The following FANK1 variants were observed in gnomAD, a reference collection of about 807,000 sequenced individuals.
The protein encoded by FANK1 is fibronectin type III and ankyrin repeat domains 1.
Under a neutral mutation model 45.3 loss-of-function variants are expected in FANK1, and 44 were observed. The ratio of observed to expected loss-of-function variants is 0.97; its 90% confidence interval spans 0.76 to 1.25. The LOEUF is 1.25. Among genes scored for constraint, FANK1 ranks in the 50% most tolerant of loss-of-function variants. The pLI, the probability that FANK1 is intolerant of heterozygous loss-of-function variation, is 0.00. For synonymous variants in FANK1, 149 were observed against 152.5 expected (o/e 0.98, Z 0.17); for missense variants, 391 against 424.4 (o/e 0.92, Z 0.69).
chr10:125,901,373 A>G (rs1945020796), intron 1 of FANK1, among the ~76,000 whole-genome samples: 1 of 152,212 alleles, frequency 6.6e-6, no homozygotes, highest in African/African-American at 2.4e-5. Context: ...CCAAGCTACC[A>G]TGCCGTGTAA....
chr10:125,992,044 T>G (rs1271753076), intron 3 of FANK1, among the ~76,000 whole-genome samples: 1 of 152,000 alleles, frequency 6.6e-6, no homozygotes, highest in Non-Finnish European at 1.5e-5. Context: ...ATTGCAACAC[T>G]CAGGGTAAAA....
At position 125,896,581 on chromosome 10, in the gene FANK1, C is replaced by T; in HGVS notation, c.-62C>T. ...GTCAGGGCAACCGTAGCGACGCCGGCCCTGGCTGAGAGGCGTTAGGAGTCC... is the reference window on the plus strand; with the variant it reads ...GTCAGGGCAACCGTAGCGACGCCGGTCCTGGCTGAGAGGCGTTAGGAGTCC... On this transcript the variant is annotated 5_prime_UTR_variant, in exon 1 of 11. Transcript: ENST00000368693. 9.3e-7 allele frequency: 1 copy of T among 1,074,890 alleles called. No homozygotes were observed. Among genetic ancestry groups the T allele is most frequent in the Admixed American group, 7.4e-5 (1 of 13,534 alleles). 66.6% of individuals were successfully genotyped at this position (1,074,890 alleles called of 1,614,324 possible).
intron 3 of FANK1, among the ~76,000 whole-genome samples, chr10:125,994,075 G>A (rs1273169839): frequency 6.6e-6 from 1 of 152,076 alleles, no homozygotes; most frequent in Non-Finnish European, 1.5e-5. Flanking sequence ...ATAAGGAGCA[G>A]GAAGAGGGAG....
intron 1 of FANK1, chr10:125,972,342 C>T (rs1950570297): frequency 6.6e-6 from 1 of 152,048 alleles, no homozygotes; most frequent in Admixed American, 6.5e-5. Context: ...TGCTAGTCAC[C>T]TGTAAATATA....
At chr10:125,975,053 G>A (rs781693061) in intron 1 of FANK1, 34 of 152,072 alleles carry the variant, frequency 2.2e-4, no homozygotes, top group Admixed American at 1.6e-3. Context: ...GTGTTCCTAA[G>A]TTCTTCTCAT....
intron 1 of FANK1, among the ~76,000 whole-genome samples, chr10:125,971,493 T>A (rs556437965): frequency 2.5e-4 from 38 of 151,908 alleles, no homozygotes; most frequent in Admixed American, 5.2e-4. Context: ...ATTGTCTCAC[T>A]TTTTCTGACC....
At chr10:125,909,439 C>T (rs1945808922) in intron 1 of FANK1, among the ~76,000 whole-genome samples, 1 of 150,346 alleles carries the variant, frequency 6.7e-6, no homozygotes, top group Non-Finnish European at 1.5e-5. Context: ...CTTATTATTT[C>T]CATCATTTTA....
intron 8 of FANK1, 65 bp from the exon 9 acceptor site, chr10:126,008,989 G>GCCC: frequency 1.3e-6 from 2 of 1,491,136 alleles, no homozygotes; most frequent in Non-Finnish European, 1.9e-6. Flanking sequence ...CCAGGCTCAT[G>GCCC]CCCCCTGCTG....
chr10:125,919,340 G>A (rs112671557), intron 1 of FANK1, among the ~76,000 whole-genome samples: 3 of 143,728 alleles, frequency 2.1e-5, no homozygotes, highest in African/African-American at 2.6e-5. Flanking sequence ...CTAGTAGCTG[G>A]GATTACAGGC....
chr10:125,931,862 C>A (rs1383441255), intron 1 of FANK1, among the ~76,000 whole-genome samples: 1 of 152,156 alleles, frequency 6.6e-6, no homozygotes, highest in East Asian at 1.9e-4. Flanking sequence ...AGTCCTCAAT[C>A]CATCTTGAGT....
intron 2 of FANK1, among the ~76,000 whole-genome samples, chr10:125,981,515 A>AAAAT (rs397791576): frequency 2.0e-5 from 3 of 146,838 alleles, no homozygotes; most frequent in African/African-American, 7.5e-5. Flanking sequence ...AAAAAAAAAA[A>AAAAT]GTTATGTTTT....
At chr10:125,919,881 CAGT>C (rs1200146371) in intron 1 of FANK1, among the ~76,000 whole-genome samples, 18 of 152,228 alleles carry the variant, frequency 1.2e-4, no homozygotes, top group Admixed American at 5.9e-4. Flanking sequence ...TTTCACCAAA[CAGT>C]AGGTGTGTAA....
chr10:125,948,430 T>A (rs1214765403), intron 1 of FANK1, among the ~76,000 whole-genome samples: 2 of 152,018 alleles, frequency 1.3e-5, no homozygotes, highest in African/African-American at 4.8e-5. Flanking sequence ...ATAAAGGGGA[T>A]ATCACCACCG....
chr10:125,973,539 C>A, intron 1 of FANK1: 1 of 832,358 alleles, frequency 1.2e-6, no homozygotes, highest in Non-Finnish European at 1.4e-6. Context: ...ATGTATCCCT[C>A]AGTATCTAGA....
intron 1 of FANK1, among the ~76,000 whole-genome samples, chr10:125,935,739 C>T (rs1486626989): frequency 6.6e-6 from 1 of 152,072 alleles, no homozygotes; most frequent in Admixed American, 6.6e-5. Context: ...ATATCTTCTC[C>T]TATATATTTT....
chr10:125,961,088 C>T (rs1949896778), intron 1 of FANK1, among the ~76,000 whole-genome samples: 1 of 152,166 alleles, frequency 6.6e-6, no homozygotes, highest in Non-Finnish European at 1.5e-5. Context: ...ATGTATTCGT[C>T]TACAGCCAAC....
intron 1 of FANK1, among the ~76,000 whole-genome samples, chr10:125,965,761 T>C (rs1490094658): frequency 6.6e-6 from 1 of 152,200 alleles, no homozygotes; most frequent in Admixed American, 6.5e-5. Flanking sequence ...AAATTGAAGT[T>C]GTTGTAATTA....
At chr10:125,906,778 A>C (rs1389472975) in intron 1 of FANK1, among the ~76,000 whole-genome samples, 1 of 152,160 alleles carries the variant, frequency 6.6e-6, no homozygotes, top group Non-Finnish European at 1.5e-5. Context: ...TTTCAGTTAC[A>C]TGTAGACTGA....
intron 1 of FANK1, among the ~76,000 whole-genome samples, chr10:125,961,452 G>A (rs1443434107): frequency 6.6e-6 from 1 of 152,140 alleles, no homozygotes; most frequent in African/African-American, 2.4e-5. Context: ...ACTCACTGGG[G>A]AAAGGATAAT....
Sources: allele counts gnomAD v4.1 joint callset (sites outside exome capture counted in the v4.1 genomes callset), GRCh38; gene constraint gnomAD v4.1.1; transcripts MANE v1.5; gene names NCBI Gene and HGNC (gene_info 2026-07-23, HGNC 2026-07-21).